Variants in GALNT10 observed in about 807,000 individuals in gnomAD.
GALNT10 encodes GalNAc transferase 10.
Under a neutral mutation model 75.0 loss-of-function variants are expected in GALNT10, and 41 were observed. The observed-to-expected ratio is 0.55, with a 90% CI of 0.43 to 0.71. The LOEUF is 0.71. Among genes scored for constraint, GALNT10 ranks in the 30% least tolerant of loss-of-function variants. GALNT10 has a pLI of 0.00. For synonymous variants in GALNT10, 302 were observed against 313.0 expected (o/e 0.96, Z 0.37); for missense variants, 727 against 818.5 (o/e 0.89, Z 1.36).
chr5:154,326,886 G>T (rs1347750646), intron 3 of GALNT10, among the ~76,000 whole-genome samples: 1 of 151,976 alleles, frequency 6.6e-6, no homozygotes, highest in Admixed American at 6.6e-5. Context: ...TAACTTTTAT[G>T]GTATGTGAAT....
At chr5:154,391,386 G>A (rs1755893540) in intron 7 of GALNT10, among the ~76,000 whole-genome samples, 1 of 152,216 alleles carries the variant, frequency 6.6e-6, no homozygotes, top group Admixed American at 6.5e-5. Context: ...CTATCCTGAT[G>A]AGAAAATCCC....
intron 1 of GALNT10, among the ~76,000 whole-genome samples, chr5:154,256,751 G>A (rs61382409): frequency 0.35 from 53,828 of 151,780 alleles, 11,699 homozygotes; most frequent in East Asian, 0.76. Context: ...GTCAATGGCT[G>A]ATGTTTTTGA....
intron 3 of GALNT10, among the ~76,000 whole-genome samples, chr5:154,320,554 C>G (rs1375872791): frequency 1.3e-5 from 2 of 152,196 alleles, no homozygotes; most frequent in African/African-American, 2.4e-5. Flanking sequence ...TGTAGAAAAC[C>G]AGATATCACC....
In GALNT10 at chr5:154,404,181, C is replaced by T. The variant is rs560772708; in HGVS notation, c.1134C>T (p.Tyr378=). 1.2e-6 allele frequency: 2 copies of T among 1,609,150 alleles called. No homozygotes were observed. The highest frequency in any genetic ancestry group is 1.7e-5 in the Admixed American group (1 of 59,668). ...VGHIYRKYVP[Y]KVPAGVSLAR... ...ATATCTACAGGAAGTATGTGCCCTA[C>T]AAGGTCCCGGCCGGAGTCAGCCTGG... The change falls in exon 8 of 12, where the codon TAC becomes TAT. Residue 378 remains tyrosine (Y), a synonymous_variant. Coordinates refer to ENST00000297107, the MANE Select transcript of GALNT10 (RefSeq NM_198321.4).
intron 7 of GALNT10, among the ~76,000 whole-genome samples, chr5:154,403,440 A>G (rs1156252879): frequency 6.6e-6 from 1 of 152,232 alleles, no homozygotes; most frequent in Non-Finnish European, 1.5e-5. Flanking sequence ...CAGATCCCAC[A>G]CTGCGGCAAG....
chr5:154,342,454 A>G (rs1481708255), intron 4 of GALNT10, among the ~76,000 whole-genome samples: 1 of 152,200 alleles, frequency 6.6e-6, no homozygotes, highest in Admixed American at 6.5e-5. Flanking sequence ...ACCAGGGCCC[A>G]CCCATAAAGA....
chr5:154,363,958 C>G (rs1337283687), intron 4 of GALNT10, among the ~76,000 whole-genome samples: 17 of 152,114 alleles, frequency 1.1e-4, no homozygotes, highest in Admixed American at 1.0e-3. Context: ...CATCTGTGTG[C>G]CCCTACAGTA....
intron 4 of GALNT10, among the ~76,000 whole-genome samples, chr5:154,358,984 G>A (rs1398980084): frequency 6.6e-6 from 1 of 152,208 alleles, no homozygotes; most frequent in Non-Finnish European, 1.5e-5. Flanking sequence ...CTGCCTGTGT[G>A]TGTATGAGCC....
chr5:154,259,623 A>G (rs981288275), intron 1 of GALNT10, among the ~76,000 whole-genome samples: 1 of 152,176 alleles, frequency 6.6e-6, no homozygotes, highest in East Asian at 1.9e-4. Flanking sequence ...GCAGCAGCCC[A>G]GCAGCCTCTC....
rs1462966440 is a variant in GALNT10 at position 154,274,535 on chromosome 5, A to C, written c.160-20281A>C. On this transcript the variant is annotated intron_variant, in intron 1 of 11. Coordinates refer to ENST00000297107, the MANE Select transcript of GALNT10 (RefSeq NM_198321.4). ...TTGCCTTGCCCATGATAGGAGCTCAATAAATGTGGGTCACCATCATCGTCA... is the reference window on the plus strand; with the variant it reads ...TTGCCTTGCCCATGATAGGAGCTCACTAAATGTGGGTCACCATCATCGTCA... 4.6e-5 allele frequency among the ~76,000 whole-genome samples: 7 copies of C among 152,296 alleles called. No homozygotes were observed. The East Asian group carries it at 9.7e-4, about 21-fold the overall frequency.
intron 8 of GALNT10, among the ~76,000 whole-genome samples, chr5:154,405,605 A>G (rs1756263173): frequency 6.6e-6 from 1 of 152,118 alleles, no homozygotes; most frequent in Non-Finnish European, 1.5e-5. Context: ...ACAAGGGACC[A>G]TGGGGACACT....
intron 6 of GALNT10, among the ~76,000 whole-genome samples, chr5:154,381,614 G>T (rs1328765269): frequency 6.6e-6 from 1 of 152,228 alleles, no homozygotes; most frequent in Non-Finnish European, 1.5e-5. Flanking sequence ...CCTGAAATGA[G>T]TCTTACTGGG....
chr5:154,242,704 T>G (rs1193931273), intron 1 of GALNT10, among the ~76,000 whole-genome samples: 1 of 152,196 alleles, frequency 6.6e-6, no homozygotes, highest in African/African-American at 2.4e-5. Flanking sequence ...AGTATTGTCC[T>G]GGCTCAGCCT....
intron 1 of GALNT10, among the ~76,000 whole-genome samples, chr5:154,247,887 G>T (rs1430564380): frequency 1.3e-5 from 2 of 152,162 alleles, no homozygotes; most frequent in Non-Finnish European, 2.9e-5. Context: ...CCTGTCTTGT[G>T]GCAGTTTTCA....
chr5:154,297,901 A>G (rs550238250), intron 2 of GALNT10, 40 bp from the exon 3 acceptor site: 54 of 1,592,392 alleles, frequency 3.4e-5, no homozygotes, highest in Non-Finnish European at 4.6e-5. Context: ...ACAGTACCCC[A>G]TACATCATTA....
intron 4 of GALNT10, among the ~76,000 whole-genome samples, chr5:154,338,787 G>T (rs949999319): frequency 6.6e-6 from 1 of 152,172 alleles, no homozygotes; most frequent in Non-Finnish European, 1.5e-5. Context: ...ATAGAGACAG[G>T]TGTCAAGCAA....
chr5:154,243,341 T>A (rs1753368749), intron 1 of GALNT10, among the ~76,000 whole-genome samples: 1 of 152,246 alleles, frequency 6.6e-6, no homozygotes, highest in Non-Finnish European at 1.5e-5. Context: ...AATGCAATAT[T>A]TGTTGAACAA....
At position 154,366,532 on chromosome 5, in the gene GALNT10, G is replaced by C. The variant is rs1447502703; in HGVS notation, c.569-9745G>C. 2.0e-5 allele frequency among the ~76,000 whole-genome samples: 3 copies of C among 152,152 alleles called. No homozygotes were observed. In the East Asian group the frequency reaches 5.8e-4, roughly 29 times the overall value. On this transcript the variant is annotated intron_variant, in intron 4 of 11. Coordinates refer to ENST00000297107, the MANE Select transcript of GALNT10 (RefSeq NM_198321.4). ...GCTATGTTGGTCTTTGACTAAGGGG[G>C]TTAGGTCCAATTCCCTCAGATCTGC...
Position 154,325,653 on chromosome 5 carries a change from A to G in GALNT10, c.402-3919A>G, listed in dbSNP as rs184825241. 1.7e-3 allele frequency among the ~76,000 whole-genome samples: 262 copies of G among 151,232 alleles called. 1 individual carries two copies. Among genetic ancestry groups the G allele is most frequent in the African/African-American group, 6.1e-3 (249 of 41,154 alleles). ...ATGCAAAAAAAAAAAAAGCCATTTG[A>G]CAAAATCCAACACTTCTTTTTCGAG... On this transcript the variant is annotated intron_variant, in intron 3 of 11. Transcript: ENST00000297107.
Sources: allele counts gnomAD v4.1 joint callset (sites outside exome capture counted in the v4.1 genomes callset), GRCh38; gene constraint gnomAD v4.1.1; transcripts MANE v1.5; gene names NCBI Gene and HGNC (gene_info 2026-07-23, HGNC 2026-07-21).